ZC3H12B: variants seen among roughly 807,000 people sequenced by gnomAD.
ZC3H12B encodes the protein probable ribonuclease ZC3H12B.
ZC3H12B carries 7 observed loss-of-function variants against 43.9 expected under a neutral mutation model. The observed-to-expected ratio is 0.16, with a 90% CI of 0.09 to 0.30. The LOEUF is 0.30. Ranked by LOEUF, ZC3H12B falls within the 10% of genes least tolerant of loss-of-function variation. ZC3H12B has a pLI of 1.00. For synonymous variants in ZC3H12B, 222 were observed against 241.7 expected (o/e 0.92, Z 0.76); for missense variants, 475 against 670.2 (o/e 0.71, Z 3.22).
intron 1 of ZC3H12B, 74 bp from the exon 4 acceptor site, chrX:65,368,754 AG>A (rs1273517241): frequency 8.9e-6 from 1 of 112,225 alleles, no homozygotes; most frequent in Non-Finnish European, 1.9e-5. Context: ...AATGGGTAAA[AG>A]GTGTTTCAGT....
At chrX:65,440,610 C>A (rs1402372433) in intron 3 of ZC3H12B, among the ~76,000 whole-genome samples, 1 of 112,042 alleles carries the variant, frequency 8.9e-6, no homozygotes. Flanking sequence ...TAAATGCAAA[C>A]CGTTCACAGT....
the ZC3H12B span, among the ~76,000 whole-genome samples, chrX:65,189,571 GTT>G: frequency 9.3e-6 from 1 of 107,255 alleles, no homozygotes; most frequent in South Asian, 4.0e-4. Context: ...TTTTTCATGT[GTT>G]TTTTGGCTGC....
At chrX:65,149,277 G>A in the ZC3H12B span, among the ~76,000 whole-genome samples, 1 of 111,854 alleles carries the variant, frequency 8.9e-6, no homozygotes, top group South Asian at 3.7e-4. Flanking sequence ...CACCAGCTGG[G>A]CTGCATCCTC....
chrX:65,174,400 C>G, the ZC3H12B span, among the ~76,000 whole-genome samples: 3 of 112,541 alleles, frequency 2.7e-5, no homozygotes, highest in African/African-American at 9.7e-5. Flanking sequence ...AGTAGCTGCT[C>G]TGAAGATGTG....
At chrX:65,406,457 T>TA (rs1262232461) in intron 3 of ZC3H12B, among the ~76,000 whole-genome samples, 1,013 of 90,552 alleles carry the variant, frequency 0.011, 15 homozygotes, top group African/African-American at 0.034. Context: ...CCTTCATGAT[T>TA]AAAAAAAAAA....
the ZC3H12B span, among the ~76,000 whole-genome samples, chrX:65,317,985 A>T: frequency 9.3e-6 from 1 of 107,679 alleles, no homozygotes; most frequent in Non-Finnish European, 1.9e-5. Flanking sequence ...ATAAACATGC[A>T]TGTGCAAGTA....
chrX:65,494,359 G>A (rs764017084), intron 1 of ZC3H12B, among the ~76,000 whole-genome samples: 23 of 110,422 alleles, frequency 2.1e-4, no homozygotes, highest in Admixed American at 2.0e-3. Context: ...TGATTTTCCT[G>A]CCTCAGCTTC....
intron 3 of ZC3H12B, among the ~76,000 whole-genome samples, chrX:65,456,650 G>C (rs1341288987): frequency 9.3e-6 from 1 of 107,008 alleles, no homozygotes; most frequent in Non-Finnish European, 1.9e-5. Flanking sequence ...TGCTGTGTTG[G>C]CCGGGCTGGT....
the ZC3H12B span, among the ~76,000 whole-genome samples, chrX:65,188,925 T>A: frequency 2.0e-5 from 2 of 101,017 alleles, no homozygotes; most frequent in African/African-American, 7.2e-5. Context: ...TAGGTATATC[T>A]CCCAATGCTA....
At chrX:65,406,782 G>C (rs1479548295) in intron 3 of ZC3H12B, among the ~76,000 whole-genome samples, 1 of 112,477 alleles carries the variant, frequency 8.9e-6, no homozygotes, top group African/African-American at 3.2e-5. Context: ...TGTGCTCTGC[G>C]TCCCGGAGGC....
At chrX:65,106,773 A>G in the ZC3H12B span, among the ~76,000 whole-genome samples, 1 of 111,593 alleles carries the variant, frequency 9.0e-6, no homozygotes, top group Non-Finnish European at 1.9e-5. Flanking sequence ...ATTATAATTT[A>G]AGCTAACATG....
At chrX:65,159,377 G>C in the ZC3H12B span, among the ~76,000 whole-genome samples, 2 of 111,427 alleles carry the variant, frequency 1.8e-5, no homozygotes, top group African/African-American at 6.5e-5. Context: ...CGTTTTCATG[G>C]TATTGATTCT....
chrX:65,449,053 AAG>A (rs2148141141), intron 3 of ZC3H12B, among the ~76,000 whole-genome samples: 1 of 108,612 alleles, frequency 9.2e-6, no homozygotes, highest in African/African-American at 3.4e-5. Context: ...GAAGGAAAGA[AAG>A]AAAGAAGGAA....
At chrX:65,086,906 A>G in the ZC3H12B span, among the ~76,000 whole-genome samples, 1 of 111,435 alleles carries the variant, frequency 9.0e-6, no homozygotes, top group East Asian at 2.8e-4. Context: ...TTCAGCTCTG[A>G]TACCGAATGC....
chrX:65,103,134 G>A, the ZC3H12B span, among the ~76,000 whole-genome samples: 1 of 111,362 alleles, frequency 9.0e-6, no homozygotes, highest in African/African-American at 3.3e-5. Flanking sequence ...AGGCCTGGGA[G>A]CACTATGGGA....
At chrX:65,080,840 G>A in the ZC3H12B span, among the ~76,000 whole-genome samples, 2 of 111,712 alleles carry the variant, frequency 1.8e-5, no homozygotes, top group South Asian at 3.7e-4. Flanking sequence ...ATTATAACAT[G>A]TCACTGTGGT....
At chrX:65,044,339 T>A in the ZC3H12B span, among the ~76,000 whole-genome samples, 1 of 111,062 alleles carries the variant, frequency 9.0e-6, no homozygotes, top group Non-Finnish European at 1.9e-5. Flanking sequence ...AGGAGGTTAA[T>A]GTATCCAGAA....
At chrX:65,280,373 T>C in the ZC3H12B span, among the ~76,000 whole-genome samples, 1 of 112,037 alleles carries the variant, frequency 8.9e-6, no homozygotes, top group Non-Finnish European at 1.9e-5. Context: ...AAACTCTTAA[T>C]AAATTAGGTA....
At chrX:65,377,381 A>T (rs2066361796) in intron 2 of ZC3H12B, among the ~76,000 whole-genome samples, 3 of 110,463 alleles carry the variant, frequency 2.7e-5, no homozygotes, top group Non-Finnish European at 5.7e-5. Flanking sequence ...AACTTACCAA[A>T]CCTGGGGAAA....
Sources: gnomAD v4.1 joint callset for allele counts (sites outside exome capture counted in the v4.1 genomes callset) on GRCh38, gnomAD v4.1.1 for gene constraint, MANE v1.5 for transcripts, NCBI Gene and HGNC (gene_info 2026-07-23, HGNC 2026-07-21) for gene names.